Variants in ERBB4 observed in about 807,000 individuals in gnomAD.
ERBB4 encodes erb-b2 receptor tyrosine kinase 4.
ERBB4 carries 42 observed loss-of-function variants against 158.0 expected under a neutral mutation model. That is an observed-to-expected ratio of 0.27 (90% confidence interval 0.21 to 0.34). ERBB4 has a LOEUF of 0.34. ERBB4 is among the 10% of genes least tolerant of loss of function. ERBB4 has a pLI of 1.00. For synonymous variants in ERBB4, 583 were observed against 558.7 expected, an observed-to-expected ratio of 1.04 and a Z score of -0.61; for missense variants, 1,333 against 1,624.1, an observed-to-expected ratio of 0.82 and a Z score of 3.08.
At chr2:211,757,325 A>T (rs1409633697) in intron 4 of ERBB4, among the ~76,000 whole-genome samples, 3 of 152,158 alleles carry the variant, frequency 2.0e-5, no homozygotes, top group Non-Finnish European at 4.4e-5. Flanking sequence ...CTTCCTTGCT[A>T]AAAAATATGA....
At chr2:212,511,618 CA>C (rs1435426945) in intron 1 of ERBB4, among the ~76,000 whole-genome samples, 1 of 151,484 alleles carries the variant, frequency 6.6e-6, no homozygotes, top group Non-Finnish European at 1.5e-5. Flanking sequence ...TATTTTTTTT[CA>C]AACGTATTTA....
chr2:211,593,049 G>C (rs2068524179), intron 19 of ERBB4, among the ~76,000 whole-genome samples: 1 of 151,026 alleles, frequency 6.6e-6, no homozygotes, highest in Admixed American at 6.6e-5. Flanking sequence ...CACACTGAAG[G>C]GGCTTGCTCC....
At chr2:211,416,400 G>A (rs1347780610) in intron 25 of ERBB4, among the ~76,000 whole-genome samples, 1 of 152,124 alleles carries the variant, frequency 6.6e-6, no homozygotes, top group Non-Finnish European at 1.5e-5. Context: ...GGCAGCATGT[G>A]TTTAAATATC....
At chr2:212,415,116 C>G (rs534041347) in intron 1 of ERBB4, among the ~76,000 whole-genome samples, 1 of 152,182 alleles carries the variant, frequency 6.6e-6, no homozygotes, top group South Asian at 2.1e-4. Flanking sequence ...AGGTCTGGAA[C>G]CTAATTTTCT....
intron 19 of ERBB4, among the ~76,000 whole-genome samples, chr2:211,600,894 A>C (rs2068779847): frequency 6.6e-6 from 1 of 152,240 alleles, no homozygotes; most frequent in Admixed American, 6.5e-5. Flanking sequence ...AAAGAGAGAA[A>C]TCTTTTGAGT....
At chr2:211,822,389 A>C (rs2077014850) in intron 3 of ERBB4, among the ~76,000 whole-genome samples, 1 of 152,086 alleles carries the variant, frequency 6.6e-6, no homozygotes, top group Non-Finnish European at 1.5e-5. Context: ...CAACATCACT[A>C]TGTACCCCAT....
chr2:211,994,386 G>A (rs1200762276), intron 2 of ERBB4, among the ~76,000 whole-genome samples: 1 of 152,026 alleles, frequency 6.6e-6, no homozygotes, highest in Non-Finnish European at 1.5e-5. Context: ...TCCCCCATTG[G>A]CCTCCCAAAG....
At chr2:211,889,907 A>G (rs1159368017) in intron 3 of ERBB4, among the ~76,000 whole-genome samples, 16 of 141,218 alleles carry the variant, frequency 1.1e-4, no homozygotes, top group Non-Finnish European at 2.2e-4. Context: ...GGACTATGTG[A>G]AAAGACCAAA....
chr2:212,145,989 GA>G (rs944019717), intron 1 of ERBB4, among the ~76,000 whole-genome samples: 5 of 152,126 alleles, frequency 3.3e-5, no homozygotes, highest in African/African-American at 1.2e-4. Flanking sequence ...GCCCAAAGGG[GA>G]TAGTCTACTT....
chr2:211,482,930 T>TA (rs1487800225), intron 20 of ERBB4, among the ~76,000 whole-genome samples: 4 of 151,650 alleles, frequency 2.6e-5, no homozygotes, highest in Admixed American at 2.0e-4. Context: ...AATAAAAATT[T>TA]AAAAAAATCA....
chr2:212,165,509 C>T (rs1267700909), intron 1 of ERBB4, among the ~76,000 whole-genome samples: 1 of 151,972 alleles, frequency 6.6e-6, no homozygotes, highest in Non-Finnish European at 1.5e-5. Context: ...TGTCATTCCT[C>T]TGGCCAGTGA....
chr2:212,465,711 C>A (rs776196879), intron 1 of ERBB4, among the ~76,000 whole-genome samples: 24 of 152,230 alleles, frequency 1.6e-4, no homozygotes, highest in Non-Finnish European at 3.1e-4. Flanking sequence ...CCTCCCTAAC[C>A]AATATATTTT....
intron 2 of ERBB4, among the ~76,000 whole-genome samples, chr2:212,032,872 A>T (rs1293877767): frequency 6.6e-6 from 1 of 152,008 alleles, no homozygotes; most frequent in Non-Finnish European, 1.5e-5. Flanking sequence ...TAAGAGGGAA[A>T]GGAAGTTCAG....
intron 2 of ERBB4, among the ~76,000 whole-genome samples, chr2:211,957,024 CTCA>C (rs1005870372): frequency 2.0e-5 from 3 of 151,840 alleles, no homozygotes; most frequent in Admixed American, 6.6e-5. Context: ...AGATGGGGGT[CTCA>C]TTATGTTGCT....
chr2:212,342,037 T>G (rs1388365379), intron 1 of ERBB4, among the ~76,000 whole-genome samples: 1 of 152,048 alleles, frequency 6.6e-6, no homozygotes, highest in Non-Finnish European at 1.5e-5. Context: ...GGCAGGAGGA[T>G]CACTTGAGCC....
intron 2 of ERBB4, among the ~76,000 whole-genome samples, chr2:212,008,105 ATTAC>A (rs1212485809): frequency 1.3e-5 from 2 of 152,080 alleles, no homozygotes; most frequent in Admixed American, 6.5e-5. Context: ...GATATTTTCA[ATTAC>A]TTACTGAGCT....
rs1437901873 is a variant in ERBB4, at chr2:212,383,070, TAG to T, written c.82+155377_82+155378del. On this transcript the variant is annotated intron_variant, in intron 1 of 27. Coordinates refer to ENST00000342788, the MANE Select transcript of ERBB4 (RefSeq NM_005235.3). ...CAACTTTTTCAATTGTTTTTAAGCT[TAG>T]AGAGTCTTTACCCATTCAGATACTC... Among the ~76,000 whole-genome samples the T allele has an allele frequency of 4.0e-5, 6 of 151,344 alleles. No individual in the cohort carries two copies. In the Admixed American group the frequency reaches 4.0e-4, roughly 10 times the overall value.
chr2:212,161,041 T>A (rs1195007033), intron 1 of ERBB4, among the ~76,000 whole-genome samples: 2 of 151,954 alleles, frequency 1.3e-5, no homozygotes, highest in African/African-American at 4.8e-5. Flanking sequence ...ATGTTTAATA[T>A]CCCATAAATA....
intron 3 of ERBB4, among the ~76,000 whole-genome samples, chr2:211,873,015 TGAAATCTTAAAAA>T (rs2078390555): frequency 4.3e-5 from 1 of 23,424 alleles, no homozygotes; most frequent in African/African-American, 1.2e-4. Flanking sequence ...CTAGAAAAAG[TGAAATCTTAAAAA>T]GTGAAATCTT....
Sources: allele counts gnomAD v4.1 joint callset (sites outside exome capture counted in the v4.1 genomes callset), GRCh38; gene constraint gnomAD v4.1.1; transcripts MANE v1.5; gene names NCBI Gene and HGNC (gene_info 2026-07-23, HGNC 2026-07-21).